RBFOX1: variants seen among roughly 807,000 people sequenced by gnomAD.
RBFOX1 encodes RNA binding protein fox-1 homolog 1.
Under a neutral mutation model 57.7 loss-of-function variants are expected in RBFOX1, and 8 were observed. The observed-to-expected ratio is 0.14, with a 90% CI of 0.08 to 0.25. The LOEUF is 0.25. RBFOX1 is among the 10% of genes least tolerant of loss of function. The pLI, the probability that RBFOX1 is intolerant of heterozygous loss-of-function variation, is 1.00. For synonymous variants in RBFOX1, 326 were observed against 222.4 expected, an observed-to-expected ratio of 1.47 and a Z score of -4.15; for missense variants, 611 against 548.5, an observed-to-expected ratio of 1.11 and a Z score of -1.14.
At chr16:6,256,175 A>ATATATGTATATATATGTATATATATG (rs71145207) in intron 1 of RBFOX1, among the ~76,000 whole-genome samples, 1 of 28,332 alleles carries the variant, frequency 3.5e-5, no homozygotes, top group African/African-American at 8.6e-5. Flanking sequence ...ATATATGTAT[A>ATATATGTATATATATGTATATATATG]TATATATATA....
rs2098632995 is a variant in RBFOX1 at position 6,654,646 on chromosome 16, G to A, written c.-20G>A. The A allele has an allele frequency of 2.7e-6, 4 of 1,508,614 alleles. No homozygotes were observed. Among genetic ancestry groups the A allele is most frequent in the Non-Finnish European group, 3.5e-6 (4 of 1,137,514 alleles). The allele number at this position is 1,508,614 out of a possible 1,614,324, so 93.5% of individuals were successfully genotyped here. On this transcript the variant is annotated 5_prime_UTR_variant, in exon 3 of 16. Transcript: ENST00000550418. Reference sequence around the variant, plus strand: ...AATACCTGCGTGGAAATAGAAGACAGAAAGGTGAGTCAATATTTTTCATTT... The same window carrying A: ...AATACCTGCGTGGAAATAGAAGACAAAAAGGTGAGTCAATATTTTTCATTT...
chr16:5,813,288 A>G (rs2055501160), intron 3 of RBFOX1, among the ~76,000 whole-genome samples: 1 of 152,184 alleles, frequency 6.6e-6, no homozygotes, highest in African/African-American at 2.4e-5. Flanking sequence ...ATTTTAAAAC[A>G]TACAATTCAG....
intron 3 of RBFOX1, among the ~76,000 whole-genome samples, chr16:6,721,501 A>C (rs2065988426): frequency 1.3e-5 from 2 of 152,194 alleles, no homozygotes. Flanking sequence ...CTGTAATGTT[A>C]AATGCATTCA....
At chr16:7,478,487 G>A (rs1200929937) in intron 4 of RBFOX1, among the ~76,000 whole-genome samples, 3 of 152,212 alleles carry the variant, frequency 2.0e-5, no homozygotes, top group African/African-American at 7.2e-5. Context: ...AGGGGCTGCA[G>A]TTTGCAGAGG....
chr16:7,143,329 C>T (rs1055648542), intron 4 of RBFOX1, among the ~76,000 whole-genome samples: 2 of 152,058 alleles, frequency 1.3e-5, no homozygotes, highest in African/African-American at 4.8e-5. Context: ...CGACCCAGCT[C>T]TCAGGGAGAG....
At chr16:7,173,618 C>G (rs2081126476) in intron 4 of RBFOX1, among the ~76,000 whole-genome samples, 1 of 151,908 alleles carries the variant, frequency 6.6e-6, no homozygotes, top group African/African-American at 2.4e-5. Context: ...TTCAGAAACA[C>G]CAGGGAAAGA....
chr16:5,983,228 A>T (rs1026269726), intron 4 of RBFOX1, among the ~76,000 whole-genome samples: 3 of 152,208 alleles, frequency 2.0e-5, no homozygotes, highest in Non-Finnish European at 4.4e-5. Context: ...AAATCCTCAG[A>T]AAGTGGCAGA....
At chr16:6,416,618 A>C (rs1322109918) in intron 2 of RBFOX1, among the ~76,000 whole-genome samples, 3 of 152,168 alleles carry the variant, frequency 2.0e-5, no homozygotes, top group Non-Finnish European at 4.4e-5. Context: ...TTATGTCCTC[A>C]GTAAGAACCC....
intron 4 of RBFOX1, among the ~76,000 whole-genome samples, chr16:7,335,858 A>G (rs150877596): frequency 1.5e-4 from 23 of 152,296 alleles, no homozygotes; most frequent in Non-Finnish European, 2.9e-4. Context: ...GTGTAGCCAA[A>G]TAGAGAGTTT....
Position 7,710,603 on chromosome 16 carries a change from C to G in RBFOX1, c.1072-20C>G. The stretch of plus-strand genomic sequence containing the variant: ...AAAGGAAAATGTAAAAAACACACCC[C>G]TCAAATTGCTTTGTTTCAGAATGCT... On this transcript the variant is annotated intron_variant, in intron 15 of 15. Transcript: ENST00000550418. 5.0e-6 allele frequency: 8 copies of G among 1,610,236 alleles called. No homozygotes were observed. Among genetic ancestry groups the G allele is most frequent in the Non-Finnish European group, 6.8e-6 (8 of 1,179,008 alleles).
intron 3 of RBFOX1, among the ~76,000 whole-genome samples, chr16:6,847,112 C>T (rs796781244): frequency 6.6e-6 from 1 of 152,288 alleles, no homozygotes; most frequent in African/African-American, 2.4e-5. Flanking sequence ...CCTCAGTCAA[C>T]CCTGCTCAGA....
chr16:5,241,433 C>T (rs1175305679), intron 1 of RBFOX1, among the ~76,000 whole-genome samples: 1 of 152,218 alleles, frequency 6.6e-6, no homozygotes, highest in African/African-American at 2.4e-5. Flanking sequence ...CTCTACCTCC[C>T]TCTTTTACGT....
At chr16:5,391,047 T>C (rs115758054) in intron 1 of RBFOX1, among the ~76,000 whole-genome samples, 4 of 152,212 alleles carry the variant, frequency 2.6e-5, no homozygotes, top group Non-Finnish European at 5.9e-5. Context: ...GTCTTCTTAC[T>C]TCCCATCCTC....
intron 1 of RBFOX1, among the ~76,000 whole-genome samples, chr16:6,238,864 T>C (rs1329087261): frequency 1.3e-5 from 2 of 152,202 alleles, no homozygotes; most frequent in Non-Finnish European, 2.9e-5. Context: ...GAATGTGGTC[T>C]CCATCCCCTC....
At chr16:7,700,537 G>A (rs910277422) in intron 14 of RBFOX1, among the ~76,000 whole-genome samples, 2 of 152,198 alleles carry the variant, frequency 1.3e-5, no homozygotes, top group East Asian at 1.9e-4. Context: ...ATGGGGTAAA[G>A]TATAGCTGGG....
At position 6,907,978 on chromosome 16, in the gene RBFOX1, G is replaced by A. The variant is rs190967849; in HGVS notation, c.-15-144079G>A. Among the ~76,000 whole-genome samples, 244 of 151,770 alleles carry A rather than the reference G, an allele frequency of 1.6e-3. 4 individuals carry two copies. Among genetic ancestry groups the A allele is most frequent in the African/African-American group, 5.6e-3 (231 of 41,512 alleles). ...TAGAGTTCTCCCCGTGAGCATGGAT[G>A]TCTCTGTGTCTCTATTTTCCCTTTT... On this transcript the variant is annotated intron_variant, in intron 3 of 15. Transcript: ENST00000550418.
intron 4 of RBFOX1, among the ~76,000 whole-genome samples, chr16:5,989,877 CACA>C (rs774800347): frequency 0.038 from 4,533 of 118,530 alleles, 157 homozygotes; most frequent in East Asian, 0.16. Context: ...CACACACACA[CACA>C]CCACCCCTGT....
downstream of RBFOX1, among the ~76,000 whole-genome samples, chr16:5,604,652 C>A (rs2047500990): frequency 6.6e-6 from 1 of 152,222 alleles, no homozygotes; most frequent in African/African-American, 2.4e-5. Flanking sequence ...CTACATGCTA[C>A]TGATCATGGG....
At chr16:7,694,979 C>T (rs550712687) in intron 14 of RBFOX1, among the ~76,000 whole-genome samples, 14 of 152,196 alleles carry the variant, frequency 9.2e-5, no homozygotes, top group Non-Finnish European at 1.6e-4. Flanking sequence ...GATTTTGCCC[C>T]GTGACTTAAA....
Sources: allele counts gnomAD v4.1 joint callset (sites outside exome capture counted in the v4.1 genomes callset), GRCh38; gene constraint gnomAD v4.1.1; transcripts MANE v1.5; gene names NCBI Gene and HGNC (gene_info 2026-07-23, HGNC 2026-07-21).